GLI2: variants seen among roughly 807,000 people sequenced by gnomAD.
GLI2 encodes the protein GLI family zinc finger 2.
GLI2 carries 22 observed loss-of-function variants against 78.9 expected under a neutral mutation model. The ratio of observed to expected loss-of-function variants is 0.28; its 90% CI spans 0.20 to 0.40. GLI2 has a LOEUF of 0.40. Among genes scored for constraint, GLI2 ranks in the 10% least tolerant of loss-of-function variants. The pLI, the probability that GLI2 is intolerant of heterozygous loss-of-function variation, is 1.00. For synonymous variants in GLI2, 974 were observed against 963.7 expected, an observed-to-expected ratio of 1.01 and a Z score of -0.20; for missense variants, 2,097 against 2,213.2, an observed-to-expected ratio of 0.95 and a Z score of 1.05.
chr2:120,888,612 T>TG (rs1677530369), intron 2 of GLI2, among the ~76,000 whole-genome samples: 1 of 147,542 alleles, frequency 6.8e-6, no homozygotes, highest in Non-Finnish European at 1.5e-5. Flanking sequence ...TACTAGGGTG[T>TG]GGTGGGTGGG....
chr2:120,798,934 C>T (rs934929726), intron 2 of GLI2, among the ~76,000 whole-genome samples: 7 of 152,282 alleles, frequency 4.6e-5, no homozygotes, highest in Non-Finnish European at 8.8e-5. Flanking sequence ...TCTGGCCTGC[C>T]CCAGGGTTTT....
At chr2:120,865,061 G>T (rs1688062971) in intron 2 of GLI2, among the ~76,000 whole-genome samples, 2 of 152,196 alleles carry the variant, frequency 1.3e-5, no homozygotes, top group South Asian at 2.1e-4. Context: ...GGAAGGGCTG[G>T]TGATGGTGCC....
At chr2:120,777,003 G>A (rs1341296951) in intron 1 of GLI2, among the ~76,000 whole-genome samples, 1 of 152,230 alleles carries the variant, frequency 6.6e-6, no homozygotes, top group Non-Finnish European at 1.5e-5. Flanking sequence ...AGTGAGAGGT[G>A]GGCACCTGAC....
rs771817329 is a variant in GLI2, at chr2:120,951,358, C to G, written c.370C>G (p.Pro124Ala). Residue 124 changes from proline to alanine, a missense_variant, in exon 4 of 14, where the codon CCC (proline) becomes GCC (alanine). Pro to Ala is a conservative substitution (Grantham distance 27). Coordinates refer to ENST00000361492, the MANE Select transcript of GLI2 (RefSeq NM_001374353.1). ...CAACGCCCCCCACCCGTACGTGAAC[C>G]CCCACATGGAGCACTACCTCCGTTC... ...PFNAPHPYVNPHMEHYLRSVH... is the reference protein window; with the variant it reads ...PFNAPHPYVNAHMEHYLRSVH... 14 of 1,605,568 alleles carry G rather than the reference C, an allele frequency of 8.7e-6. No individual in the cohort carries two copies. The South Asian group carries it at 1.5e-4, about 18-fold the overall frequency.
intron 1 of GLI2, among the ~76,000 whole-genome samples, chr2:120,787,320 C>T (rs539727850): frequency 6.6e-5 from 10 of 152,314 alleles, no homozygotes; most frequent in African/African-American, 2.4e-4. Flanking sequence ...TGGACCTTGT[C>T]CTGTGCGCAC....
intron 3 of GLI2, among the ~76,000 whole-genome samples, chr2:120,944,963 C>G (rs571215311): frequency 9.2e-5 from 14 of 152,372 alleles, no homozygotes; most frequent in South Asian, 4.1e-4. Context: ...CCCTTTTCCC[C>G]TCTTCCTTAC....
At chr2:120,816,728 C>T (rs531743878) in intron 2 of GLI2, among the ~76,000 whole-genome samples, 1 of 151,858 alleles carries the variant, frequency 6.6e-6, no homozygotes, top group African/African-American at 2.4e-5. Flanking sequence ...CAGCTAAATT[C>T]TCATGTCTAC....
intron 8 of GLI2, among the ~76,000 whole-genome samples, chr2:120,972,409 C>G (rs1453814150): frequency 6.6e-6 from 1 of 152,220 alleles, no homozygotes; most frequent in Non-Finnish European, 1.5e-5. Context: ...TTGCTCACGT[C>G]CCCGGAATGG....
intron 3 of GLI2, among the ~76,000 whole-genome samples, chr2:120,944,900 C>CA (rs1680633987): frequency 6.6e-6 from 1 of 152,262 alleles, no homozygotes; most frequent in African/African-American, 2.4e-5. Context: ...GCAGCAGCCA[C>CA]AGAGTTAACA....
At chr2:120,957,129 G>A (rs928032500) in intron 5 of GLI2, among the ~76,000 whole-genome samples, 2 of 152,072 alleles carry the variant, frequency 1.3e-5, no homozygotes, top group Non-Finnish European at 2.9e-5. Flanking sequence ...AGAAGAGGGC[G>A]GCCAACCTCC....
Position 120,984,716 on chromosome 2 carries a change from C to T in GLI2, c.1878C>T (p.Val626=). Residue 626 remains valine (V), a synonymous_variant, in exon 12 of 14, where the codon GTC becomes GTT. Transcript: ENST00000361492. ...AGGCCGTGGAGGACTGCCTGCACGT[C>T]AGAGCCATCAAGACCGAGAGCTCCG... is the stretch of plus-strand genomic sequence containing the variant. ...TSQAVEDCLH[V]RAIKTESSGL... 1 of 1,613,276 alleles carries T rather than the reference C, an allele frequency of 6.2e-7. No individual in the cohort carries two copies. Among genetic ancestry groups the T allele is most frequent in the East Asian group, 2.2e-5 (1 of 44,870 alleles).
rs1433100682 is a variant in GLI2 at position 120,957,530 on chromosome 2, C to G, written c.643+2100C>G. Among the ~76,000 whole-genome samples the G allele has an allele frequency of 3.3e-5, 5 of 152,356 alleles. No individual in the cohort carries two copies. The East Asian group carries it at 5.8e-4, about 18-fold the overall frequency. ...AGGATCATGTGCAAATTGCCACACCCGAATGTCAGCTTCCTGCAAGCAGGA... is the reference window on the plus strand; with the variant it reads ...AGGATCATGTGCAAATTGCCACACCGGAATGTCAGCTTCCTGCAAGCAGGA... On this transcript the variant is annotated intron_variant, in intron 5 of 13. Transcript: ENST00000361492.
chr2:120,955,764 G>T (rs779475736), intron 5 of GLI2, among the ~76,000 whole-genome samples: 1 of 152,176 alleles, frequency 6.6e-6, no homozygotes, highest in African/African-American at 2.4e-5. Flanking sequence ...AAGCAGGGGC[G>T]GGGGGAGCGA....
At chr2:120,893,375 C>G (rs1410904278) in intron 2 of GLI2, among the ~76,000 whole-genome samples, 1 of 151,928 alleles carries the variant, frequency 6.6e-6, no homozygotes, top group African/African-American at 2.4e-5. Context: ...GGCTCTGGCA[C>G]AATTAAGATT....
rs760345085 is a variant in GLI2 at position 120,988,923 on chromosome 2, C to G, written c.2958C>G (p.Asp986Glu). 2 of 1,521,748 alleles carry G rather than the reference C, an allele frequency of 1.3e-6. No homozygotes were observed. The highest frequency in any genetic ancestry group is 2.4e-5 in the South Asian group (2 of 84,050). The allele number at this position is 1,521,748 out of a possible 1,614,324, so 94.3% of individuals were successfully genotyped here. ...VNPGPLPPCA[D>E]RRGLRLQSHP... ...CCGGCCCGCTGCCGCCCTGTGCCGA[C>G]AGGCGAGGCCTCCGCCTGCAGAGCC... Residue 986 changes from aspartate to glutamate, a missense_variant, in exon 14 of 14, where the codon GAC (aspartate) becomes GAG (glutamate). By Grantham distance (45) the Asp-to-Glu change is conservative (BLOSUM62 2). Around this residue, in one of 5 missense-constraint regions of GLI2, gnomAD observed 1,290 missense variants for 1,261.7 expected, o/e 1.02. Coordinates refer to ENST00000361492, the MANE Select transcript of GLI2 (RefSeq NM_001374353.1).
chr2:120,955,153 CTTTTTTTTTTT>C (rs869202442), intron 4 of GLI2, 81 bp from the exon 5 acceptor site: 6 of 147,082 alleles, frequency 4.1e-5, no homozygotes, highest in African/African-American at 2.7e-4. Flanking sequence ...TTCTCTCTGC[CTTTTTTTTTTT>C]TTTTTTTTTT....
intron 2 of GLI2, among the ~76,000 whole-genome samples, chr2:120,831,026 A>C (rs1468855348): frequency 4.8e-5 from 6 of 126,182 alleles, no homozygotes; most frequent in South Asian, 2.6e-4. Flanking sequence ...TTTTCCTGTC[A>C]TTCTTTTTCC....
At chr2:120,872,108 G>C (rs1688493951) in intron 2 of GLI2, among the ~76,000 whole-genome samples, 1 of 152,228 alleles carries the variant, frequency 6.6e-6, no homozygotes, top group Non-Finnish European at 1.5e-5. Flanking sequence ...CTGGTGGGCT[G>C]ACAGCTGTGG....
At chr2:120,895,068 G>C (rs887613518) in intron 2 of GLI2, among the ~76,000 whole-genome samples, 3 of 152,210 alleles carry the variant, frequency 2.0e-5, no homozygotes, top group African/African-American at 7.2e-5. Flanking sequence ...GGGGAGGGGA[G>C]GGGCTCCCCG....
Sources: gnomAD v4.1 joint callset for allele counts (sites outside exome capture counted in the v4.1 genomes callset) on GRCh38, gnomAD v4.1.1 for gene constraint, gnomAD v4.1.1 regional missense constraint, MANE v1.5 for transcripts, NCBI Gene and HGNC (gene_info 2026-07-23, HGNC 2026-07-21) for gene names.